Variants in PPP6R2 observed in about 807,000 individuals in gnomAD.
The protein encoded by PPP6R2 is serine/threonine-protein phosphatase 6 regulatory subunit 2.
A neutral mutation model predicts 100.2 loss-of-function variants in PPP6R2; 62 were observed. The ratio of observed to expected loss-of-function variants is 0.62; its 90% CI spans 0.50 to 0.76. The LOEUF (loss-of-function observed/expected upper bound fraction) is 0.76, where lower values mean the gene tolerates loss of function less well. Among genes scored for constraint, PPP6R2 ranks in the 30% least tolerant of loss-of-function variants. The pLI is 0.00. For missense variants in PPP6R2, 1,142 were observed against 1,276.3 expected (o/e 0.89, Z 1.60); for synonymous variants, 525 against 514.7 (o/e 1.02, Z -0.27).
intron 4 of PPP6R2, among the ~76,000 whole-genome samples, chr22:50,408,004 C>T (rs1303999554): frequency 6.6e-6 from 1 of 152,198 alleles, no homozygotes; most frequent in African/African-American, 2.4e-5. Flanking sequence ...CCACCTCGGC[C>T]TCCTGAGTAG....
At position 50,343,344 on chromosome 22, in the gene PPP6R2, A is replaced by C. The variant is rs895611307; in HGVS notation, c.-354A>C. ...GCGCCGCCGCCGCCATTTTGGAGCG[A>C]TCGGAGTGCCGCCCGCGGCCCCGAG... On this transcript the variant is annotated 5_prime_UTR_variant, in exon 1 of 24. Coordinates refer to ENST00000612753, the MANE Select transcript of PPP6R2 (RefSeq NM_001242898.2). 2.0e-5 allele frequency: 3 copies of C among 149,902 alleles called. No individual in the cohort carries two copies. In the East Asian group the frequency reaches 6.0e-4, roughly 30 times the overall value. The allele number at this position is 149,902 out of a possible 1,614,324, so 9.3% of individuals were successfully genotyped here.
chr22:50,430,112 C>T (rs1008781901), intron 10 of PPP6R2, among the ~76,000 whole-genome samples: 4 of 152,226 alleles, frequency 2.6e-5, no homozygotes, highest in Admixed American at 6.5e-5. Context: ...CAGTGGGGGG[C>T]GAGTGCGTCA....
At chr22:50,406,394 A>T (rs2058965945) in intron 3 of PPP6R2, among the ~76,000 whole-genome samples, 1 of 152,104 alleles carries the variant, frequency 6.6e-6, no homozygotes, top group Non-Finnish European at 1.5e-5. Context: ...AGGCCTGGAG[A>T]GAGGAAAAGC....
At chr22:50,369,241 A>T (rs1400153950) in intron 1 of PPP6R2, among the ~76,000 whole-genome samples, 2 of 151,930 alleles carry the variant, frequency 1.3e-5, no homozygotes, top group African/African-American at 4.8e-5. Flanking sequence ...TCCATCTAAA[A>T]AAAAAAAAAG....
At chr22:50,333,300 G>T in the PPP6R2 span, among the ~76,000 whole-genome samples, 1 of 150,988 alleles carries the variant, frequency 6.6e-6, no homozygotes, top group South Asian at 2.1e-4. Context: ...AGTAAGTTTT[G>T]AGATCACGTA....
chr22:50,416,086 T>C lies in PPP6R2; in HGVS notation c.553-6T>C. ...CGACACTGAAAGGCCTCTTTTTCTCTTTCAGTGGCTGAATGAAGAGAAGGT... is the reference window on the plus strand; with the variant it reads ...CGACACTGAAAGGCCTCTTTTTCTCCTTCAGTGGCTGAATGAAGAGAAGGT... On this transcript the variant is annotated splice_polypyrimidine_tract_variant and splice_region_variant and intron_variant, in intron 5 of 23. Transcript: ENST00000612753. The C allele has an allele frequency of 6.2e-7, 1 of 1,612,212 alleles. No individual in the cohort carries two copies. The highest frequency in any genetic ancestry group is 1.3e-5 in the African/African-American group (1 of 75,034).
chr22:50,335,881 T>G, the PPP6R2 span, among the ~76,000 whole-genome samples: 1 of 144,070 alleles, frequency 6.9e-6, no homozygotes, highest in African/African-American at 2.7e-5. Context: ...TTTCACCATG[T>G]GGGCCGGGCT....
At chr22:50,373,328 A>G (rs1602552995) in intron 2 of PPP6R2, among the ~76,000 whole-genome samples, 1 of 124,256 alleles carries the variant, frequency 8.0e-6, no homozygotes. Context: ...TGCAAGCTCC[A>G]CCTCCTGGGT....
chr22:50,339,683 G>A (rs1459250637), upstream of PPP6R2, among the ~76,000 whole-genome samples: 2 of 127,796 alleles, frequency 1.6e-5, no homozygotes, highest in African/African-American at 5.8e-5. Flanking sequence ...TGTGTTGTGT[G>A]TGGTGTGATT....
the PPP6R2 span, among the ~76,000 whole-genome samples, chr22:50,333,723 C>T: frequency 1.3e-5 from 2 of 152,024 alleles, no homozygotes; most frequent in Admixed American, 6.5e-5. Context: ...TGTGTGGAGA[C>T]GAGAGATCGT....
rs1174986891 is a variant in PPP6R2, at chr22:50,343,370, TCGGTCTCGAGCCGCCGGCCGGCCGTGC to T, written c.-323_-297del. ...TCGGAGTGCCGCCCGCGGCCCCGAG[TCGGTCTCGAGCCGCCGGCCGGCCGTGC>T]CGGTGTCCGTAGGCGCTGCGCCCTC... On this transcript the variant is annotated 5_prime_UTR_variant, in exon 1 of 24. Coordinates refer to ENST00000612753, the MANE Select transcript of PPP6R2 (RefSeq NM_001242898.2). The T allele has an allele frequency of 1.3e-5, 2 of 149,636 alleles. No individual in the cohort carries two copies. The highest frequency in any genetic ancestry group is 1.5e-5 in the Non-Finnish European group (1 of 67,286). 9.3% of individuals were successfully genotyped at this position (149,636 alleles called of 1,614,324 possible).
At chr22:50,438,347 C>A (rs2064847948) in intron 18 of PPP6R2, 49 bp downstream of exon 18, 2 of 1,579,882 alleles carry the variant, frequency 1.3e-6, no homozygotes, top group Non-Finnish European at 1.7e-6. Flanking sequence ...GAGGTTCAGC[C>A]CCCAGAACAC....
chr22:50,364,077 A>T (rs2048294278), intron 1 of PPP6R2, among the ~76,000 whole-genome samples: 1 of 151,786 alleles, frequency 6.6e-6, no homozygotes, highest in African/African-American at 2.4e-5. Context: ...TTGTATTTTT[A>T]GTAGAGACGG....
chr22:50,338,054 ATG>A, the PPP6R2 span, among the ~76,000 whole-genome samples: 2 of 67,564 alleles, frequency 3.0e-5, no homozygotes, highest in African/African-American at 1.1e-4. Flanking sequence ...GTGTGGTGTG[ATG>A]TGTGTGGTGT....
chr22:50,419,103 C>T (rs1174417337), intron 7 of PPP6R2, 124 bp downstream of exon 7: 2 of 841,674 alleles, frequency 2.4e-6, no homozygotes, highest in African/African-American at 1.7e-5. Flanking sequence ...GAATGAACCC[C>T]AGGTTCAGAG....
chr22:50,438,554 C>A, intron 18 of PPP6R2, 45 bp from the exon 19 acceptor site: 1 of 1,600,498 alleles, frequency 6.2e-7, no homozygotes, highest in Non-Finnish European at 8.5e-7. Flanking sequence ...CCATGTTAGG[C>A]GTCCGTCCTG....
rs1294311215 is a variant in PPP6R2 at position 50,416,162 on chromosome 22, G to A, written c.618+5G>A. Reference sequence around the variant, plus strand: ...CACCCGAGCCAGGATGAAGATGTGAGTGTGCTGCTTACCGAGCTTCGTGCA... The same window carrying A: ...CACCCGAGCCAGGATGAAGATGTGAATGTGCTGCTTACCGAGCTTCGTGCA... On this transcript the variant is annotated splice_donor_5th_base_variant and intron_variant, in intron 6 of 23. Coordinates refer to ENST00000612753, the MANE Select transcript of PPP6R2 (RefSeq NM_001242898.2). 1.2e-6 allele frequency: 2 copies of A among 1,611,984 alleles called. No individual in the cohort carries two copies. Among genetic ancestry groups the A allele is most frequent in the Non-Finnish European group, 1.7e-6 (2 of 1,178,420 alleles).
rs1297654443 is a variant in PPP6R2 at position 50,444,215 on chromosome 22, C to T, written c.2848C>T (p.Pro950Ser). The T allele has an allele frequency of 1.2e-6, 2 of 1,613,114 alleles. No homozygotes were observed. Among genetic ancestry groups the T allele is most frequent in the Admixed American group, 1.7e-5 (1 of 59,934 alleles). Reference sequence around the variant, plus strand: ...TTCCTGCAGGAAGACAGATGCCCCGCCAGAAGGAGCTGCCTTAAATGGCCC... The same window carrying T: ...TTCCTGCAGGAAGACAGATGCCCCGTCAGAAGGAGCTGCCTTAAATGGCCC... Reference protein sequence around the residue: ...VTKDGKTDAPPEGAALNGPV With the variant: ...VTKDGKTDAPSEGAALNGPV The change falls in exon 24 of 24, where the codon CCA becomes TCA. Residue 950 changes from proline (P) to serine (S), a missense_variant. Pro to Ser is a moderately conservative substitution (Grantham distance 74, BLOSUM62 -1). Coordinates refer to ENST00000612753, the MANE Select transcript of PPP6R2 (RefSeq NM_001242898.2).
In PPP6R2 at chr22:50,434,951, G is replaced by A. The variant is rs750743379; in HGVS notation, c.1401-15G>A. 4.4e-6 allele frequency: 7 copies of A among 1,597,590 alleles called. No individual in the cohort carries two copies. The highest frequency in any genetic ancestry group is 6.0e-6 in the Non-Finnish European group (7 of 1,174,690). On this transcript the variant is annotated splice_polypyrimidine_tract_variant and intron_variant, in intron 12 of 23. Coordinates refer to ENST00000612753, the MANE Select transcript of PPP6R2 (RefSeq NM_001242898.2). ...GGGGCCAGGAGGCCGCCCCGATGGTGCCTGTTGCTTTCAGGGCAGCGGGTG... is the reference window on the plus strand; with the variant it reads ...GGGGCCAGGAGGCCGCCCCGATGGTACCTGTTGCTTTCAGGGCAGCGGGTG...
Sources: allele counts gnomAD v4.1 joint callset (sites outside exome capture counted in the v4.1 genomes callset), GRCh38; gene constraint gnomAD v4.1.1; transcripts MANE v1.5; gene names NCBI Gene and HGNC (gene_info 2026-07-23, HGNC 2026-07-21).